ZNF652: variants seen among roughly 807,000 people sequenced by gnomAD.
ZNF652 encodes zinc finger protein 652.
A neutral mutation model predicts 45.2 loss-of-function variants in ZNF652; 16 were observed. The ratio of observed to expected loss-of-function variants is 0.35; its 90% CI spans 0.24 to 0.54. The LOEUF (loss-of-function observed/expected upper bound fraction) is 0.54, where lower values mean the gene tolerates loss of function less well. Ranked by LOEUF, ZNF652 falls within the 20% of genes least tolerant of loss-of-function variation. The pLI, the probability that ZNF652 is intolerant of heterozygous loss-of-function variation, is 0.91. For synonymous variants in ZNF652, 250 were observed against 260.6 expected (o/e 0.96, Z 0.39); for missense variants, 614 against 765.6 (o/e 0.80, Z 2.34).
chr17:49,326,707 C>T (rs2069959763), intron 1 of ZNF652, among the ~76,000 whole-genome samples: 1 of 152,192 alleles, frequency 6.6e-6, no homozygotes, highest in Non-Finnish European at 1.5e-5. Context: ...TCATCAACTG[C>T]TCTATGTCTC....
intron 2 of ZNF652, 109 bp downstream of exon 2, chr17:49,316,717 A>C: frequency 8.7e-7 from 1 of 1,155,406 alleles, no homozygotes; most frequent in Non-Finnish European, 1.2e-6. Context: ...AATTGGTGAA[A>C]ACTGTCCCTT....
At chr17:49,309,477 C>CA (rs1447089207) in intron 5 of ZNF652, among the ~76,000 whole-genome samples, 7 of 149,250 alleles carry the variant, frequency 4.7e-5, no homozygotes, top group Admixed American at 2.7e-4. Flanking sequence ...CCACTGCACT[C>CA]AGTCTGGGTG....
chr17:49,349,876 C>T (rs1031767536), intron 1 of ZNF652, among the ~76,000 whole-genome samples: 4 of 152,112 alleles, frequency 2.6e-5, no homozygotes, highest in East Asian at 3.8e-4. Flanking sequence ...CTTAAAGATA[C>T]TAATGTCAAA....
At chr17:49,345,702 G>A (rs555060157) in intron 1 of ZNF652, among the ~76,000 whole-genome samples, 220 of 151,374 alleles carry the variant, frequency 1.5e-3, no homozygotes, top group African/African-American at 5.0e-3. Flanking sequence ...TTAGCCGGGC[G>A]TGGTGGTGGG....
intron 1 of ZNF652, among the ~76,000 whole-genome samples, chr17:49,321,876 GTTGTA>G (rs988641020): frequency 1.1e-4 from 17 of 152,312 alleles, no homozygotes; most frequent in African/African-American, 4.1e-4. Flanking sequence ...TTACAAGTGT[GTTGTA>G]TTGTAACACT....
In ZNF652 at chr17:49,291,857, A is replaced by G. The variant is rs1014491894; in HGVS notation, c.*6556T>C. 6.6e-6 allele frequency among the ~76,000 whole-genome samples: 1 copy of G among 152,232 alleles called. No individual in the cohort carries two copies. Among genetic ancestry groups the G allele is most frequent in the African/African-American group, 2.4e-5 (1 of 41,470 alleles). ...CGTTACTGATTTCTGTAACATAAAA[A>G]TCTACCTTTTTCATTTTGTAAACTC... On this transcript the variant is annotated 3_prime_UTR_variant, in exon 6 of 6. Coordinates refer to ENST00000430262, the MANE Select transcript of ZNF652 (RefSeq NM_001145365.3).
At chr17:49,355,541 C>T (rs866625030) in intron 1 of ZNF652, among the ~76,000 whole-genome samples, 1 of 151,798 alleles carries the variant, frequency 6.6e-6, no homozygotes, top group South Asian at 2.1e-4. Context: ...GGCACCACTG[C>T]ACTCCAGCCT....
chr17:49,362,464 G>C (rs2070413512), upstream of ZNF652: 5 of 151,620 alleles, frequency 3.3e-5, no homozygotes, highest in Admixed American at 3.3e-4. Context: ...GATAACCGCC[G>C]GCTCCCCGCG....
At chr17:49,312,159 CTTT>C (rs34553823) in intron 3 of ZNF652, 117 bp from the exon 4 acceptor site, 4,331 of 137,932 alleles carry the variant, frequency 0.031, no homozygotes, top group South Asian at 0.067. Flanking sequence ...ATTTGTGAGG[CTTT>C]TTTTTTTTTT....
intron 1 of ZNF652, among the ~76,000 whole-genome samples, chr17:49,338,145 AT>A (rs772870388): frequency 0.12 from 16,894 of 142,184 alleles, 993 homozygotes; most frequent in African/African-American, 0.15. Flanking sequence ...TGCCTGGCTA[AT>A]TTTTTTTTTT....
chr17:49,326,284 T>G lies in ZNF652; in HGVS notation c.-258-8301A>C, dbSNP rs185486457. On this transcript the variant is annotated intron_variant, in intron 1 of 5. Transcript: ENST00000430262. Reference sequence around the variant, plus strand: ...AAAAGAAGTATGGTAAGAAAAGAACTGTGGATGTGGCTAGAGAACCTGGAG... The same window carrying G: ...AAAAGAAGTATGGTAAGAAAAGAACGGTGGATGTGGCTAGAGAACCTGGAG... Among the ~76,000 whole-genome samples, 412 of 144,906 alleles carry G rather than the reference T, an allele frequency of 2.8e-3. 2 individuals are homozygous for G. Among genetic ancestry groups the G allele is most frequent in the African/African-American group, 0.01 (402 of 39,180 alleles).
In ZNF652 at chr17:49,303,247, C is replaced by CTT. The variant is rs779042339; in HGVS notation, c.1310-4325_1310-4324dup. On this transcript the variant is annotated intron_variant, in intron 5 of 5. Transcript: ENST00000430262. ...GTGATGTTTTATTCTTTACGCTTAT[C>CTT]TTTTTTTTTTTGAGACAGGGTCTCA... Among the ~76,000 whole-genome samples, 4 of 121,786 alleles carry CTT rather than the reference C, an allele frequency of 3.3e-5. 1 individual carries two copies. Among genetic ancestry groups the CTT allele is most frequent in the Non-Finnish European group, 3.2e-5 (2 of 61,562 alleles). The allele number at this position is 121,786 out of a possible 152,430, so 79.9% of individuals were successfully genotyped here.
chr17:49,333,723 A>G (rs1469054957), intron 1 of ZNF652, among the ~76,000 whole-genome samples: 2 of 79,776 alleles, frequency 2.5e-5, no homozygotes, highest in Non-Finnish European at 2.5e-5. Context: ...CTGTCTCAAG[A>G]AAAAAAAAAA....
chr17:49,317,766 G>T lies in ZNF652; in HGVS notation c.-41C>A, dbSNP rs1356728970. On this transcript the variant is annotated 5_prime_UTR_variant, in exon 2 of 6. Transcript: ENST00000430262. ...TTTATTAAACAGTTCAGACTATAAAGAAATAGCTTTAAAACAAGGTAATTA... is the reference window on the plus strand; with the variant it reads ...TTTATTAAACAGTTCAGACTATAAATAAATAGCTTTAAAACAAGGTAATTA... The T allele has an allele frequency of 2.0e-6, 3 of 1,489,740 alleles. No homozygotes were observed. Among genetic ancestry groups the T allele is most frequent in the Non-Finnish European group, 9.0e-7 (1 of 1,117,236 alleles). 92.3% of individuals were successfully genotyped at this position (1,489,740 alleles called of 1,614,324 possible).
At chr17:49,304,408 T>G (rs908877144) in intron 5 of ZNF652, among the ~76,000 whole-genome samples, 6 of 152,172 alleles carry the variant, frequency 3.9e-5, no homozygotes, top group African/African-American at 1.4e-4. Context: ...TAAATCTCAT[T>G]ATTCATTAGG....
At chr17:49,318,509 A>G (rs1052407349) in intron 1 of ZNF652, among the ~76,000 whole-genome samples, 6 of 152,268 alleles carry the variant, frequency 3.9e-5, no homozygotes, top group African/African-American at 9.6e-5. Context: ...AGCAAAAGCC[A>G]CATCTGTCCA....
Position 49,294,549 on chromosome 17 carries a change from AG to A in ZNF652, c.*3863del, listed in dbSNP as rs1299228402. On this transcript the variant is annotated 3_prime_UTR_variant, in exon 6 of 6. Transcript: ENST00000430262. ...AAATTTAAAAATCTAACTCCGAATG[AG>A]CCTATCTGACTCAATTTGAGAAAGC... 1 of 152,216 alleles carries A rather than the reference AG, an allele frequency of 6.6e-6. No homozygotes were observed. Among genetic ancestry groups the A allele is most frequent in the Non-Finnish European group, 1.5e-5 (1 of 68,028 alleles). 9.4% of individuals were successfully genotyped at this position (152,216 alleles called of 1,614,324 possible). A position where few individuals can be genotyped will look rare whatever the true frequency, so the allele number is the denominator to read the frequency against.
intron 1 of ZNF652, among the ~76,000 whole-genome samples, chr17:49,348,479 A>AAAAAGAAAAGAAAAG (rs55939949): frequency 0.038 from 4,273 of 111,846 alleles, 148 homozygotes; most frequent in East Asian, 0.083. Flanking sequence ...CCTTGCCTCA[A>AAAAAGAAAAGAAAAG]AAAAGAAAAG....
At chr17:49,351,024 C>T (rs1406361597) in intron 1 of ZNF652, among the ~76,000 whole-genome samples, 3,792 of 80,666 alleles carry the variant, frequency 0.047, 295 homozygotes, top group African/African-American at 0.065. Context: ...TACACACACA[C>T]ACACACACAC....
Sources: gnomAD v4.1 joint callset for allele counts (sites outside exome capture counted in the v4.1 genomes callset) on GRCh38, gnomAD v4.1.1 for gene constraint, MANE v1.5 for transcripts, NCBI Gene and HGNC (gene_info 2026-07-23, HGNC 2026-07-21) for gene names.